Variants in MCM3 observed in about 807,000 individuals in gnomAD.
MCM3 encodes the protein DNA replication licensing factor MCM3.
MCM3 carries 59 observed loss-of-function variants against 91.3 expected under a neutral mutation model. The observed-to-expected ratio is 0.65, with a 90% CI of 0.52 to 0.80. MCM3 has a LOEUF of 0.80. Among genes scored for constraint, MCM3 ranks in the 30% least tolerant of loss-of-function variants. The pLI, the probability that MCM3 is intolerant of heterozygous loss-of-function variation, is 0.00. For missense variants in MCM3, 919 were observed against 1,035.4 expected, an observed-to-expected ratio of 0.89 and a Z score of 1.54; for synonymous variants, 383 against 379.6, an observed-to-expected ratio of 1.01 and a Z score of -0.10.
chr6:52,276,124 CA>C (rs1270875223), intron 9 of MCM3, 143 bp downstream of exon 9: 2 of 726,020 alleles, frequency 2.8e-6, no homozygotes, highest in Non-Finnish European at 4.5e-6. Flanking sequence ...CTGCTCTAAA[CA>C]AAGGACAATA....
intron 6 of MCM3, among the ~76,000 whole-genome samples, 157 bp from the exon 7 acceptor site, chr6:52,277,845 G>A (rs971577406): frequency 6.6e-6 from 1 of 151,976 alleles, no homozygotes; most frequent in Admixed American, 6.6e-5. Flanking sequence ...GAGGCAGGCA[G>A]ATCACGAGGT....
At chr6:52,269,715 G>A (rs1476185270) in intron 12 of MCM3, among the ~76,000 whole-genome samples, 1 of 152,210 alleles carries the variant, frequency 6.6e-6, no homozygotes, top group African/African-American at 2.4e-5. Context: ...CGTAACTTCA[G>A]TAAACTCAGT....
chr6:52,281,847 A>AAAAT (rs890502265), intron 4 of MCM3, among the ~76,000 whole-genome samples, 198 bp downstream of exon 4: 44 of 152,300 alleles, frequency 2.9e-4, no homozygotes, highest in Middle Eastern at 3.4e-3. Context: ...CTCATCTTTA[A>AAAAT]AAATAAATAA....
chr6:52,271,769 A>T (rs554859360), intron 12 of MCM3, among the ~76,000 whole-genome samples: 6 of 152,352 alleles, frequency 3.9e-5, no homozygotes, highest in African/African-American at 1.4e-4. Context: ...TTCAAAGTCC[A>T]GTCCAAATAT....
intron 14 of MCM3, among the ~76,000 whole-genome samples, chr6:52,267,578 A>T (rs1459636954): frequency 1.4e-5 from 2 of 146,568 alleles, no homozygotes; most frequent in African/African-American, 5.1e-5. Flanking sequence ...CCCAGGCTGG[A>T]GTGCAGTGGC....
Position 52,266,134 on chromosome 6 carries a change from T to C in MCM3, c.2169A>G (p.Pro723=), listed in dbSNP as rs773258500. The part of the protein sequence containing the change: ...TEEEMPQVHT[P]KTADSQETKE... ...TGGTCTCCTGTGAGTCTGCCGTCTT[T>C]GGAGTGTGTACTTCAGAGGGTTGAT... Residue 723 remains proline (P), a synonymous_variant, in exon 16 of 17, where the codon CCA becomes CCG. Coordinates refer to ENST00000596288, the MANE Select transcript of MCM3 (RefSeq NM_002388.6). The C allele has an allele frequency of 3.2e-5, 51 of 1,613,874 alleles. No individual in the cohort carries two copies. Among genetic ancestry groups the C allele is most frequent in the Non-Finnish European group, 4.2e-5 (49 of 1,179,872 alleles).
chr6:52,271,414 G>A lies in MCM3; in HGVS notation c.1827+887C>T, dbSNP rs550463477. On this transcript the variant is annotated intron_variant, in intron 12 of 16. Transcript: ENST00000596288. ...TCCCAGCACTTTGGGAGGCCAAGCC[G>A]GGCGGATCACCTGAGGTAGGAAGTT... Among the ~76,000 whole-genome samples the A allele has an allele frequency of 5.3e-5, 8 of 152,276 alleles. No individual in the cohort carries two copies. The South Asian group carries it at 6.2e-4, about 12-fold the overall frequency.
intron 11 of MCM3, among the ~76,000 whole-genome samples, 152 bp downstream of exon 11, chr6:52,273,077 AC>A (rs945754539): frequency 6.6e-6 from 1 of 152,242 alleles, no homozygotes; most frequent in Admixed American, 6.5e-5. Context: ...TATATTGTGG[AC>A]CCAGAAAAGA....
At chr6:52,270,978 C>A (rs1001382332) in intron 12 of MCM3, among the ~76,000 whole-genome samples, 40 of 152,096 alleles carry the variant, frequency 2.6e-4, no homozygotes, top group African/African-American at 9.7e-4. Flanking sequence ...TTTGGAAGGC[C>A]GAGATGGGCG....
At position 52,273,782 on chromosome 6, in the gene MCM3, C is replaced by G; in HGVS notation, c.1509G>C (p.Arg503=). 2 of 1,613,778 alleles carry G rather than the reference C, an allele frequency of 1.2e-6. No homozygotes were observed. Among genetic ancestry groups the G allele is most frequent in the Non-Finnish European group, 1.7e-6 (2 of 1,179,954 alleles). Residue 503 remains arginine (R), a synonymous_variant, in exon 10 of 17, where the codon CGG becomes CGC. Coordinates refer to ENST00000596288, the MANE Select transcript of MCM3 (RefSeq NM_002388.6). ...CCCCAGGTGCTCTGTAACGGTGCAT[C>G]CGAAGGACATGGTCTGAGATCTCCC... ...QDREISDHVL[R]MHRYRAPGEQ...
Position 52,279,532 on chromosome 6 carries a change from G to GT in MCM3, c.598dup (p.Thr200AsnfsTer24), listed in dbSNP as rs1194563058. On this transcript the variant is annotated frameshift_variant, in exon 5 of 17. Coordinates refer to ENST00000596288, the MANE Select transcript of MCM3 (RefSeq NM_002388.6). LOFTEE classifies it high-confidence loss of function. ...GGCCTTCTCCGGCATCTCCTGGATGGTGATGGTCTGGTGATCCTTGTAGAC... is the reference window on the plus strand; with the variant it reads ...GGCCTTCTCCGGCATCTCCTGGATGGTTGATGGTCTGGTGATCCTTGTAGAC... 6.2e-7 allele frequency: 1 copy of GT among 1,614,032 alleles called. No homozygotes were observed. The highest frequency in any genetic ancestry group is 1.3e-5 in the African/African-American group (1 of 74,916).
intron 4 of MCM3, among the ~76,000 whole-genome samples, chr6:52,280,867 C>A (rs1041894619): frequency 6.6e-6 from 1 of 152,258 alleles, no homozygotes; most frequent in African/African-American, 2.4e-5. Flanking sequence ...AGCATTTCAT[C>A]TGGAGGTAGA....
intron 8 of MCM3, among the ~76,000 whole-genome samples, 195 bp downstream of exon 8, chr6:52,276,872 A>C (rs3765446): frequency 2.0e-5 from 3 of 152,066 alleles, no homozygotes; most frequent in Non-Finnish European, 4.4e-5. Flanking sequence ...TAATCCTTTA[A>C]ATCGAAAACA....
At chr6:52,277,434 C>T (rs755057558) in intron 7 of MCM3, 101 bp downstream of exon 7, 39 of 1,280,614 alleles carry the variant, frequency 3.0e-5, no homozygotes, top group Non-Finnish European at 4.2e-5. Context: ...TTTGATAGGA[C>T]TGAAATACTG....
In MCM3 at chr6:52,282,715, G is replaced by A. The variant is rs544581237; in HGVS notation, c.338C>T (p.Pro113Leu). 54 of 1,613,950 alleles carry A rather than the reference G, an allele frequency of 3.3e-5. No individual in the cohort carries two copies. Among genetic ancestry groups the A allele is most frequent in the South Asian group, 1.1e-4 (10 of 91,064 alleles). Residue 113 changes from proline (P) to leucine (L), a missense_variant, in exon 3 of 17, where the codon CCG becomes CTG. This residue lies in a region of MCM3 where 401 missense variants were observed against 402.7 expected (regional missense o/e 1.00). Coordinates refer to ENST00000596288, the MANE Select transcript of MCM3 (RefSeq NM_002388.6). The stretch of plus-strand genomic sequence containing the variant: ...GAGGAAGCAGGAGGTAAGAGTCCGC[G>A]GGGAGACGTGCTTGGAGCCAAAGCT... ...EGSFGSKHVSPRTLTSCFLSC... is the reference protein window; with the variant it reads ...EGSFGSKHVSLRTLTSCFLSC...
Position 52,278,811 on chromosome 6 carries a change from C to T in MCM3, c.810G>A (p.Lys270=), listed in dbSNP as rs762529115. The part of the protein sequence containing the change: ...LIACNVKQMS[K]DAQPSFSAED... ...CAGCAGAGAAAGAGGGCTGAGCATCCTTGCTCATCTGCTTAACATTACAGG... is the reference window on the plus strand; with the variant it reads ...CAGCAGAGAAAGAGGGCTGAGCATCTTTGCTCATCTGCTTAACATTACAGG... Residue 270 remains lysine, a synonymous_variant, in exon 6 of 17, where the codon AAG becomes AAA. Transcript: ENST00000596288. The T allele has an allele frequency of 4.2e-5, 68 of 1,613,830 alleles. No individual in the cohort carries two copies. The South Asian group carries it at 4.7e-4, about 11-fold the overall frequency.
rs2307331 is a variant in MCM3 at position 52,279,423 on chromosome 6, C to T, written c.708G>A (p.Gln236=). 0.064 allele frequency: 102,900 copies of T among 1,614,108 alleles called. 3,808 individuals carry two copies. The highest frequency in any genetic ancestry group is 0.083 in the Middle Eastern group (501 of 6,062). ...GAAGGCAACGGTAGGTTCCCACCAC[C>T]TGAACCCGGTCACCAGGCTTCGCTT... is the stretch of plus-strand genomic sequence containing the variant. ...VDKAKPGDRV[Q]VVGTYRCLPG... Residue 236 remains glutamine (Q), a synonymous_variant, in exon 5 of 17, where the codon CAG becomes CAA. Transcript: ENST00000596288.
intron 16 of MCM3, 35 bp downstream of exon 16, chr6:52,266,040 A>T (rs753225875): frequency 1.3e-6 from 2 of 1,594,194 alleles, no homozygotes; most frequent in Non-Finnish European, 1.7e-6. Context: ...GATACACAGA[A>T]TTCTTGAAGG....
intron 9 of MCM3, among the ~76,000 whole-genome samples, chr6:52,275,753 C>T (rs1765498701): frequency 6.6e-6 from 1 of 152,212 alleles, no homozygotes; most frequent in Admixed American, 6.5e-5. Flanking sequence ...AAAAACTCAA[C>T]AAACCCCACG....
Sources: gnomAD v4.1 joint callset for allele counts (sites outside exome capture counted in the v4.1 genomes callset) on GRCh38, gnomAD v4.1.1 for gene constraint, gnomAD v4.1.1 regional missense constraint, MANE v1.5 for transcripts, NCBI Gene and HGNC (gene_info 2026-07-23, HGNC 2026-07-21) for gene names.